Variants in CPED1 observed in about 807,000 individuals in gnomAD.
CPED1 encodes the protein cadherin-like and PC-esterase domain-containing protein 1.
Under a neutral mutation model 128.2 loss-of-function variants are expected in CPED1, and 114 were observed. The ratio of observed to expected loss-of-function variants is 0.89; its 90% CI spans 0.76 to 1.04. The LOEUF is 1.04. Ranked by LOEUF, CPED1 falls within the 50% of genes least tolerant of loss-of-function variation. The pLI, the probability that CPED1 is intolerant of heterozygous loss-of-function variation, is 0.00. For synonymous variants in CPED1, 462 were observed against 426.7 expected (o/e 1.08, Z -1.02); for missense variants, 1,211 against 1,207.1 (o/e 1.00, Z -0.05).
At chr7:121,231,983 T>C (rs1272033709) in intron 16 of CPED1, among the ~76,000 whole-genome samples, 1 of 152,000 alleles carries the variant, frequency 6.6e-6, no homozygotes, top group African/African-American at 2.4e-5. Flanking sequence ...AGGTGTCCCA[T>C]TGGTACATGG....
At position 121,025,845 on chromosome 7, in the gene CPED1, C is replaced by A. The variant is rs563356222; in HGVS notation, c.433+9997C>A. Among the ~76,000 whole-genome samples the A allele has an allele frequency of 1.1e-4, 17 of 152,208 alleles. 1 individual carries two copies. The South Asian group carries it at 3.5e-3, about 32-fold the overall frequency. ...AGGTTGAATCCTATCTAATTTGTCT[C>A]CTATGGGCAGAATTTGGAGAGTCAA... On this transcript the variant is annotated intron_variant, in intron 3 of 22. Coordinates refer to ENST00000310396, the MANE Select transcript of CPED1 (RefSeq NM_024913.5).
intron 16 of CPED1, among the ~76,000 whole-genome samples, chr7:121,148,242 C>T (rs985094829): frequency 9.2e-5 from 14 of 152,076 alleles, no homozygotes; most frequent in Admixed American, 6.6e-4. Flanking sequence ...TTATTAAGTA[C>T]CCACTATGCA....
intron 16 of CPED1, among the ~76,000 whole-genome samples, chr7:121,223,124 C>G (rs1158532490): frequency 6.6e-6 from 1 of 152,060 alleles, no homozygotes; most frequent in Non-Finnish European, 1.5e-5. Context: ...TTTTGAGATA[C>G]GTTCCATCAA....
intron 5 of CPED1, among the ~76,000 whole-genome samples, chr7:121,079,542 G>A (rs544041334): frequency 4.9e-4 from 74 of 152,282 alleles, no homozygotes; most frequent in African/African-American, 7.0e-4. Flanking sequence ...TCTTTGTCTC[G>A]CAAAAGATAG....
At chr7:121,202,235 G>C (rs955418978) in intron 16 of CPED1, among the ~76,000 whole-genome samples, 1 of 152,112 alleles carries the variant, frequency 6.6e-6, no homozygotes, top group African/African-American at 2.4e-5. Flanking sequence ...AAAGAACTCT[G>C]CTGGTTTACA....
intron 22 of CPED1, among the ~76,000 whole-genome samples, chr7:121,290,386 T>G (rs1040308986): frequency 6.6e-6 from 1 of 152,196 alleles, no homozygotes; most frequent in African/African-American, 2.4e-5. Context: ...CACCACACTG[T>G]CTTCCACAAT....
At chr7:121,062,847 A>AT (rs1237114688) in intron 4 of CPED1, 1 of 151,968 alleles carries the variant, frequency 6.6e-6, no homozygotes, top group Non-Finnish European at 1.5e-5. Context: ...TTTATAAGGG[A>AT]TTTTCCCTTT....
chr7:121,274,543 C>G (rs1792296716), intron 22 of CPED1, among the ~76,000 whole-genome samples: 1 of 152,050 alleles, frequency 6.6e-6, no homozygotes, highest in African/African-American at 2.4e-5. Context: ...AATGTTTAAG[C>G]TAAAATAAGC....
At chr7:121,151,053 A>G (rs1796148181) in intron 16 of CPED1, among the ~76,000 whole-genome samples, 1 of 152,214 alleles carries the variant, frequency 6.6e-6, no homozygotes, top group African/African-American at 2.4e-5. Context: ...GGCATGAGCC[A>G]GTGGCTGGCT....
intron 18 of CPED1, chr7:121,261,658 T>C (rs753046345): frequency 1.2e-6 from 2 of 1,611,024 alleles, no homozygotes; most frequent in South Asian, 2.2e-5. Context: ...AGAGAGTTCC[T>C]AGAAGCCGTA....
intron 7 of CPED1, among the ~76,000 whole-genome samples, chr7:121,104,395 C>T (rs145491071): frequency 2.0e-5 from 3 of 152,184 alleles, no homozygotes; most frequent in Non-Finnish European, 2.9e-5. Flanking sequence ...AATTTAAATT[C>T]GGTTCTTAGA....
At chr7:121,024,076 G>T (rs1792507245) in intron 3 of CPED1, among the ~76,000 whole-genome samples, 1 of 152,054 alleles carries the variant, frequency 6.6e-6, no homozygotes, top group Non-Finnish European at 1.5e-5. Flanking sequence ...ACTGGGTTAT[G>T]ACACACAGTA....
chr7:121,145,887 A>C (rs1023986327), intron 16 of CPED1, among the ~76,000 whole-genome samples: 3 of 151,978 alleles, frequency 2.0e-5, no homozygotes, highest in South Asian at 2.1e-4. Flanking sequence ...AAGCTGTTAC[A>C]TTTAAATCCC....
At position 121,266,342 on chromosome 7, in the gene CPED1, T is replaced by C. The variant is rs764779011; in HGVS notation, c.2426T>C (p.Val809Ala). 1.2e-6 allele frequency: 2 copies of C among 1,613,192 alleles called. No homozygotes were observed. The highest frequency in any genetic ancestry group is 2.2e-5 in the South Asian group (2 of 91,070). The part of the protein sequence containing the change: ...KVHGTKFYHN[V>A]NGGKTLISYS... ...CATGGCACTAAATTCTATCACAACG[T>C]CAATGGTGGGAAGACTTTGATCAGT... Residue 809 changes from valine (V) to alanine (A), a missense_variant, in exon 19 of 23, where the codon GTC becomes GCC. Physicochemically the swap from Val to Ala is moderately conservative, Grantham distance 64. Transcript: ENST00000310396.
At chr7:121,163,745 T>G (rs950464440) in intron 16 of CPED1, among the ~76,000 whole-genome samples, 1 of 152,186 alleles carries the variant, frequency 6.6e-6, no homozygotes, top group African/African-American at 2.4e-5. Flanking sequence ...ATGACAAGTG[T>G]CCTGAATTCC....
At chr7:121,293,308 G>A (rs1792750654) in intron 22 of CPED1, among the ~76,000 whole-genome samples, 1 of 152,138 alleles carries the variant, frequency 6.6e-6, no homozygotes, top group Non-Finnish European at 1.5e-5. Flanking sequence ...TACACTGTGA[G>A]GGGAAAACTG....
Position 121,245,427 on chromosome 7 carries a change from T to A in CPED1, c.2310+1089T>A, listed in dbSNP as rs145779738. On this transcript the variant is annotated intron_variant, in intron 18 of 22. Coordinates refer to ENST00000310396, the MANE Select transcript of CPED1 (RefSeq NM_024913.5). ...AAACTGTGTTTCTTGCTAAATTTGTTACACTTTAAATCCCACCAGACTGTA... is the reference window on the plus strand; with the variant it reads ...AAACTGTGTTTCTTGCTAAATTTGTAACACTTTAAATCCCACCAGACTGTA... 4.5e-3 allele frequency among the ~76,000 whole-genome samples: 685 copies of A among 152,288 alleles called. 5 individuals carry two copies. Among genetic ancestry groups the A allele is most frequent in the Middle Eastern group, 0.024 (7 of 294 alleles).
chr7:121,017,576 T>A (rs1009807967), intron 3 of CPED1, among the ~76,000 whole-genome samples: 1 of 152,204 alleles, frequency 6.6e-6, no homozygotes, highest in Non-Finnish European at 1.5e-5. Flanking sequence ...ATGGCCCTGA[T>A]AACATGCTAC....
chr7:121,282,554 G>C (rs1792483898), intron 22 of CPED1, among the ~76,000 whole-genome samples: 1 of 152,104 alleles, frequency 6.6e-6, no homozygotes, highest in Admixed American at 6.6e-5. Context: ...CTCCAGTTTA[G>C]AGCCTATAAG....
Sources: gnomAD v4.1 joint callset for allele counts (sites outside exome capture counted in the v4.1 genomes callset) on GRCh38, gnomAD v4.1.1 for gene constraint, MANE v1.5 for transcripts, NCBI Gene and HGNC (gene_info 2026-07-23, HGNC 2026-07-21) for gene names.